Variants in ANKS1B observed in about 807,000 individuals in gnomAD.
The protein encoded by ANKS1B is ankyrin repeat and sterile alpha motif domain containing 1B, also known as ankyrin repeat and sterile alpha motif domain-containing protein 1B.
In ANKS1B, 36 loss-of-function variants were observed where a neutral mutation model predicts 148.3. That is an observed-to-expected ratio of 0.24 (90% CI 0.19 to 0.32). The LOEUF is 0.32. ANKS1B is among the 10% of genes least tolerant of loss of function. The pLI is 1.00. For missense variants in ANKS1B, 1,157 were observed against 1,542.6 expected (o/e 0.75, Z 4.19); for synonymous variants, 542 against 560.8 (o/e 0.97, Z 0.47).
At chr12:99,507,508 T>C (rs1487031252) in intron 9 of ANKS1B, among the ~76,000 whole-genome samples, 1 of 151,808 alleles carries the variant, frequency 6.6e-6, no homozygotes, top group African/African-American at 2.4e-5. Flanking sequence ...TTGGTGACCA[T>C]CCTCCCAGAC....
intron 9 of ANKS1B, among the ~76,000 whole-genome samples, chr12:99,632,727 C>CAATATATATATA (rs2098175150): frequency 2.6e-5 from 1 of 39,052 alleles, no homozygotes; most frequent in Non-Finnish European, 5.6e-5. Flanking sequence ...CCTTTTCTTT[C>CAATATATATATA]TATATATATA....
chr12:99,903,650 T>C lies in ANKS1B; in HGVS notation c.135-78261A>G, dbSNP rs561325839. Among the ~76,000 whole-genome samples the C allele has an allele frequency of 1.4e-4, 21 of 152,110 alleles. No individual in the cohort carries two copies. The South Asian group carries it at 3.9e-3, about 29-fold the overall frequency. On this transcript the variant is annotated intron_variant, in intron 1 of 26. Coordinates refer to ENST00000683438, the MANE Select transcript of ANKS1B (RefSeq NM_001352186.2). ...TAATAATACATTGTATTTAAACCAA[T>C]GTATCCAAAATAGTATCATGGTAAT...
intron 8 of ANKS1B, among the ~76,000 whole-genome samples, chr12:99,770,957 G>A (rs1035898669): frequency 1.3e-5 from 2 of 152,024 alleles, no homozygotes; most frequent in African/African-American, 2.4e-5. Context: ...AAACCTTAAC[G>A]CTCAATTTAT....
At chr12:99,663,280 A>G (rs544628130) in intron 8 of ANKS1B, among the ~76,000 whole-genome samples, 16 of 152,252 alleles carry the variant, frequency 1.1e-4, no homozygotes, top group African/African-American at 3.8e-4. Flanking sequence ...GAGAGATATC[A>G]CATGCCACAG....
chr12:98,801,531 A>G lies in ANKS1B; in HGVS notation c.3142-406T>C, dbSNP rs2099004992. Among the ~76,000 whole-genome samples, 1 of 152,236 alleles carries G rather than the reference A, an allele frequency of 6.6e-6. No individual in the cohort carries two copies. Among genetic ancestry groups the G allele is most frequent in the African/African-American group, 2.4e-5 (1 of 41,470 alleles). ...TCACATTCAGAACACACAGTTCTAT[A>G]AATTTCAGTTCCCAAATATGACATG... On this transcript the variant is annotated intron_variant, in intron 20 of 26. Transcript: ENST00000683438. The surrounding 1 kb of genome is among the most constrained non-coding windows in gnomAD (Gnocchi z 5.2).
At chr12:98,993,192 G>C (rs991261501) in intron 17 of ANKS1B, among the ~76,000 whole-genome samples, 5 of 152,072 alleles carry the variant, frequency 3.3e-5, no homozygotes, top group Admixed American at 1.3e-4. Context: ...TTTTGAGAGA[G>C]AGTCTCATTC....
At chr12:99,061,140 C>G (rs1050878020) in intron 16 of ANKS1B, among the ~76,000 whole-genome samples, 1 of 152,174 alleles carries the variant, frequency 6.6e-6, no homozygotes, top group Non-Finnish European at 1.5e-5. Flanking sequence ...GGACTAGAGA[C>G]AAGATACATC....
intron 12 of ANKS1B, among the ~76,000 whole-genome samples, chr12:99,399,268 C>T (rs2094337705): frequency 6.6e-6 from 1 of 152,112 alleles, no homozygotes; most frequent in African/African-American, 2.4e-5. Flanking sequence ...TCTTACCAGA[C>T]ATCCTTGATA....
intron 10 of ANKS1B, among the ~76,000 whole-genome samples, chr12:99,488,939 TA>T (rs1328839332): frequency 6.6e-6 from 1 of 152,072 alleles, no homozygotes; most frequent in Non-Finnish European, 1.5e-5. Context: ...TATACTTCTA[TA>T]ATAAGAAAAA....
At chr12:98,967,641 G>C (rs1482952146) in intron 17 of ANKS1B, among the ~76,000 whole-genome samples, 1 of 123,606 alleles carries the variant, frequency 8.1e-6, no homozygotes, top group Admixed American at 7.7e-5. Flanking sequence ...AGAGGGGAGG[G>C]GAGGGAAGAG....
chr12:99,636,321 T>C (rs1461555537), intron 9 of ANKS1B, among the ~76,000 whole-genome samples: 1 of 152,194 alleles, frequency 6.6e-6, no homozygotes, highest in Non-Finnish European at 1.5e-5. Flanking sequence ...CTGGTCACAA[T>C]ATTTTTATCA....
intron 12 of ANKS1B, among the ~76,000 whole-genome samples, chr12:99,317,733 G>A (rs1334039723): frequency 6.6e-6 from 1 of 152,160 alleles, no homozygotes; most frequent in Non-Finnish European, 1.5e-5. Flanking sequence ...GGGCATCTCT[G>A]TCTTGTGCCA....
At chr12:99,644,199 T>C (rs1186919244) in intron 9 of ANKS1B, among the ~76,000 whole-genome samples, 2 of 152,228 alleles carry the variant, frequency 1.3e-5, no homozygotes, top group Non-Finnish European at 2.9e-5. Flanking sequence ...TCCTCTAGAC[T>C]ATCTGCTATT....
At chr12:98,815,657 T>C (rs201428) in intron 19 of ANKS1B, among the ~76,000 whole-genome samples, 72,750 of 152,028 alleles carry the variant, frequency 0.48, 18,219 homozygotes, top group East Asian at 0.79. Flanking sequence ...TTCCTTGTTT[T>C]GGCAAATGGC....
intron 4 of ANKS1B, among the ~76,000 whole-genome samples, chr12:99,805,263 CAAAAAAAAAAAAA>C (rs58248573): frequency 1.4e-4 from 4 of 28,908 alleles, no homozygotes; most frequent in Non-Finnish European, 1.7e-4. Flanking sequence ...GAGGAAAAGG[CAAAAAAAAAAAAA>C]AAAAAAAAAA....
chr12:99,513,958 G>A (rs1008038218), intron 9 of ANKS1B, among the ~76,000 whole-genome samples: 15 of 151,976 alleles, frequency 9.9e-5, no homozygotes, highest in South Asian at 2.1e-4. Context: ...CATAGAACAC[G>A]TTGATTCTTT....
intron 24 of ANKS1B, among the ~76,000 whole-genome samples, chr12:98,779,403 C>T (rs1254445458): frequency 6.6e-6 from 1 of 152,076 alleles, no homozygotes; most frequent in Non-Finnish European, 1.5e-5. Context: ...TCCAGCCATA[C>T]CCCCAAAATC....
At chr12:99,338,266 T>C (rs577866808) in intron 12 of ANKS1B, among the ~76,000 whole-genome samples, 2 of 152,208 alleles carry the variant, frequency 1.3e-5, no homozygotes, top group South Asian at 4.1e-4. Flanking sequence ...CATTCTTTTC[T>C]CTCCTTTCCT....
chr12:98,794,617 C>T (rs748822678), intron 22 of ANKS1B: 103 of 810,526 alleles, frequency 1.3e-4, no homozygotes, highest in Middle Eastern at 3.5e-4. Context: ...AAAAGAAGTG[C>T]GATCCTCACA....
Sources: gnomAD v4.1 joint callset for allele counts (sites outside exome capture counted in the v4.1 genomes callset) on GRCh38, gnomAD v4.1.1 for gene constraint, Gnocchi (gnomAD v3.1) non-coding constraint, MANE v1.5 for transcripts, NCBI Gene and HGNC (gene_info 2026-07-23, HGNC 2026-07-21) for gene names.